Variants in VEGFD observed in about 807,000 individuals in gnomAD.
VEGFD encodes vascular endothelial growth factor D.
In VEGFD, 26 loss-of-function variants were observed where a neutral mutation model predicts 28.0. The ratio of observed to expected loss-of-function variants is 0.93; its 90% CI spans 0.68 to 1.29. The LOEUF is 1.29. Ranked by LOEUF, VEGFD falls within the 50% of genes most tolerant of loss-of-function variation. VEGFD has a pLI of 0.00. For missense variants in VEGFD, 294 were observed against 273.4 expected (o/e 1.08, Z -0.53); for synonymous variants, 93 against 95.5 (o/e 0.97, Z 0.15).
chrX:15,364,340 G>A (rs762239174), intron 1 of VEGFD, among the ~76,000 whole-genome samples: 1 of 111,717 alleles, frequency 9.0e-6, no homozygotes, highest in African/African-American at 3.3e-5. Context: ...ACAGTTGCAT[G>A]AACTGTATTG....
intron 1 of VEGFD, among the ~76,000 whole-genome samples, chrX:15,382,040 G>C (rs979683062): frequency 3.6e-5 from 4 of 111,903 alleles, no homozygotes; most frequent in Non-Finnish European, 7.5e-5. Context: ...CACAGTGCCA[G>C]CCGGGCGCGG....
chrX:15,351,251 GACT>G (rs1299581224), intron 5 of VEGFD, among the ~76,000 whole-genome samples: 1 of 101,884 alleles, frequency 9.8e-6, no homozygotes, highest in Non-Finnish European at 2.0e-5. Context: ...AAGTAGCTGG[GACT>G]ACAGGCGCCC....
chrX:15,358,201 GAGAA>G lies in VEGFD; in HGVS notation c.302-12_302-9del. On this transcript the variant is annotated splice_polypyrimidine_tract_variant and intron_variant, in intron 2 of 6. Transcript: ENST00000297904. ...GCCATTCTTCATCTATAACTGCAGA[GAGAA>G]AGAAAGCTCACTGGGGCTAGCAGGT... 8.4e-7 allele frequency: 1 copy of G among 1,197,025 alleles called. No individual in the cohort carries two copies. The highest frequency in any genetic ancestry group is 1.1e-6 in the Non-Finnish European group (1 of 887,518).
chrX:15,351,365 C>T (rs1922723334), intron 5 of VEGFD, among the ~76,000 whole-genome samples: 1 of 107,361 alleles, frequency 9.3e-6, no homozygotes, highest in Admixed American at 1.0e-4. Flanking sequence ...GTGATCCGCC[C>T]GCCTCGGCCT....
intron 5 of VEGFD, among the ~76,000 whole-genome samples, chrX:15,350,675 A>T (rs1922667934): frequency 8.9e-6 from 1 of 112,092 alleles, no homozygotes; most frequent in African/African-American, 3.2e-5. Context: ...TAGAGCCTTT[A>T]AGCTCTAAGT....
chrX:15,351,209 G>A (rs1289667035), intron 5 of VEGFD, among the ~76,000 whole-genome samples: 2 of 94,730 alleles, frequency 2.1e-5, no homozygotes, highest in Admixed American at 1.2e-4. Flanking sequence ...TCCGCCTCCC[G>A]GGTTCACGCC....
chrX:15,354,716 C>T (rs892225730), intron 4 of VEGFD, among the ~76,000 whole-genome samples: 10 of 111,574 alleles, frequency 9.0e-5, no homozygotes, highest in Non-Finnish European at 1.5e-4. Context: ...AGTTGCAAAA[C>T]TCACGTGCTG....
rs1413361900 is a variant in VEGFD, at chrX:15,346,099, A to G, written c.*34T>C. The G allele has an allele frequency of 1.7e-6, 2 of 1,196,516 alleles. No individual in the cohort carries two copies. The highest frequency in any genetic ancestry group is 2.3e-4 in the Middle Eastern group (1 of 4,260). ...AACTTGGCAAAGCAGCATGCTGTTA[A>G]AAATGACAGGGATGGGGAACTTGGA... On this transcript the variant is annotated 3_prime_UTR_variant, in exon 7 of 7. Transcript: ENST00000297904.
intron 3 of VEGFD, among the ~76,000 whole-genome samples, chrX:15,356,698 C>G (rs1459873929): frequency 2.7e-5 from 3 of 111,658 alleles, no homozygotes; most frequent in Non-Finnish European, 5.6e-5. Flanking sequence ...AACCCTCTTA[C>G]GTTATGCAAG....
At chrX:15,351,002 C>CA (rs1320734481) in intron 5 of VEGFD, among the ~76,000 whole-genome samples, 1 of 86,715 alleles carries the variant, frequency 1.2e-5, no homozygotes, top group Non-Finnish European at 2.1e-5. Flanking sequence ...GCTGGGACTA[C>CA]AGGCGCACAT....
chrX:15,363,182 A>G lies in VEGFD; in HGVS notation c.228T>C (p.Ser76=). The change falls in exon 2 of 7, where the codon AGT becomes AGC. Residue 76 remains serine, a synonymous_variant. Coordinates refer to ENST00000297904, the MANE Select transcript of VEGFD (RefSeq NM_004469.5). Reference sequence around the variant, plus strand: ...GATGGGATGCTGAGCGAGAGTCCATACTGGTAAAACTTTTGAGCCTCAGCC... The same window carrying G: ...GATGGGATGCTGAGCGAGAGTCCATGCTGGTAAAACTTTTGAGCCTCAGCC... ...RCRLRLKSFT[S]MDSRSASHRS... 8.3e-7 allele frequency: 1 copy of G among 1,211,527 alleles called. No homozygotes were observed.
chrX:15,358,603 G>A (rs1228931429), intron 2 of VEGFD, among the ~76,000 whole-genome samples: 1 of 112,030 alleles, frequency 8.9e-6, no homozygotes, highest in East Asian at 2.8e-4. Context: ...GCCAGGTGTA[G>A]GTAGGTTTTA....
chrX:15,363,059 G>C, intron 2 of VEGFD, 50 bp downstream of exon 2: 1 of 1,115,340 alleles, frequency 9.0e-7, no homozygotes, highest in Non-Finnish European at 1.2e-6. Context: ...AAGTGTGTTT[G>C]TCACTATCTA....
chrX:15,345,717 G>T lies in VEGFD; in HGVS notation c.*416C>A, dbSNP rs1250930885. The T allele has an allele frequency of 7.6e-6, 1 of 132,352 alleles. No individual in the cohort carries two copies. The highest frequency in any genetic ancestry group is 1.5e-5 in the Non-Finnish European group (1 of 65,049). The allele number at this position is 132,352 out of a possible 1,213,427, so 10.9% of individuals were successfully genotyped here. A position where few individuals can be genotyped will look rare whatever the true frequency, so the allele number is the denominator to read the frequency against. On this transcript the variant is annotated 3_prime_UTR_variant, in exon 7 of 7. Coordinates refer to ENST00000297904, the MANE Select transcript of VEGFD (RefSeq NM_004469.5). ...ATCAGAAAGTCAGTACTGATCATACGAATCAAATTCTGCATAAAAAAGAAT... is the reference window on the plus strand; with the variant it reads ...ATCAGAAAGTCAGTACTGATCATACTAATCAAATTCTGCATAAAAAAGAAT...
chrX:15,346,844 T>C (rs1049807453), intron 6 of VEGFD, among the ~76,000 whole-genome samples: 1 of 110,483 alleles, frequency 9.1e-6, no homozygotes, highest in African/African-American at 3.3e-5. Flanking sequence ...GGCAGGAGAC[T>C]CCCTTGAACC....
At chrX:15,383,535 T>C (rs1384264533) in intron 1 of VEGFD, among the ~76,000 whole-genome samples, 1 of 112,142 alleles carries the variant, frequency 8.9e-6, no homozygotes, top group Non-Finnish European at 1.9e-5. Context: ...AATCAATGTT[T>C]CATTAAAAAA....
At chrX:15,346,709 G>A (rs1348667421) in intron 6 of VEGFD, among the ~76,000 whole-genome samples, 1 of 111,884 alleles carries the variant, frequency 8.9e-6, no homozygotes, top group Non-Finnish European at 1.9e-5. Context: ...CGAGACGGGT[G>A]GATCATGAGG....
chrX:15,367,961 A>G (rs1287236290), intron 1 of VEGFD, among the ~76,000 whole-genome samples: 2 of 88,570 alleles, frequency 2.3e-5, no homozygotes, highest in African/African-American at 9.6e-5. Flanking sequence ...TGAAAAAGAA[A>G]GAAAGAAAGA....
At chrX:15,364,004 G>A (rs925041341) in intron 1 of VEGFD, among the ~76,000 whole-genome samples, 1 of 111,817 alleles carries the variant, frequency 8.9e-6, no homozygotes, top group South Asian at 3.7e-4. Context: ...AATTAGTTAT[G>A]GCAGCCATAG....
Sources: gnomAD v4.1 joint callset for allele counts (sites outside exome capture counted in the v4.1 genomes callset) on GRCh38, gnomAD v4.1.1 for gene constraint, MANE v1.5 for transcripts, NCBI Gene and HGNC (gene_info 2026-07-23, HGNC 2026-07-21) for gene names.